The following KCNIP1 variants were observed in gnomAD, a reference collection of about 807,000 sequenced individuals.
KCNIP1 encodes potassium voltage-gated channel interacting protein 1, also known as A-type potassium channel modulatory protein KCNIP1.
Under a neutral mutation model 33.0 loss-of-function variants are expected in KCNIP1, and 18 were observed. The observed-to-expected ratio is 0.55, with a 90% confidence interval of 0.38 to 0.81. The LOEUF is 0.81. Ranked by LOEUF, KCNIP1 falls within the 30% of genes least tolerant of loss-of-function variation. KCNIP1 has a pLI of 0.00. For synonymous variants in KCNIP1, 93 were observed against 98.3 expected, an observed-to-expected ratio of 0.95 and a Z score of 0.32; for missense variants, 238 against 271.6, an observed-to-expected ratio of 0.88 and a Z score of 0.87.
intron 1 of KCNIP1, among the ~76,000 whole-genome samples, chr5:170,363,959 G>C (rs187716208): frequency 6.0e-5 from 9 of 151,044 alleles, no homozygotes; most frequent in Admixed American, 5.9e-4. Flanking sequence ...AGTGAGTCAT[G>C]AACAGTATTT....
At chr5:170,528,394 T>A (rs1755658817) in intron 1 of KCNIP1, among the ~76,000 whole-genome samples, 1 of 152,162 alleles carries the variant, frequency 6.6e-6, no homozygotes, top group Non-Finnish European at 1.5e-5. Context: ...CAGACTTCAG[T>A]TCTGCTGTGT....
At chr5:170,699,921 G>A (rs1205467780) in intron 1 of KCNIP1, among the ~76,000 whole-genome samples, 1 of 152,182 alleles carries the variant, frequency 6.6e-6, no homozygotes, top group Admixed American at 6.5e-5. Context: ...CCAGCAAACG[G>A]GAGGGACCAA....
chr5:170,652,514 G>A, intron 1 of KCNIP1, among the ~76,000 whole-genome samples: 1 of 135,582 alleles, frequency 7.4e-6, no homozygotes, highest in South Asian at 2.5e-4. Context: ...AGGAAGGAAG[G>A]AAGGAGAAAA....
chr5:170,456,053 C>G (rs1756363118), intron 1 of KCNIP1, among the ~76,000 whole-genome samples: 1 of 152,204 alleles, frequency 6.6e-6, no homozygotes, highest in Non-Finnish European at 1.5e-5. Flanking sequence ...AGACTTGGAA[C>G]CAACCCAAAT....
chr5:170,528,109 G>A (rs60651255), intron 1 of KCNIP1, among the ~76,000 whole-genome samples: 1,808 of 152,270 alleles, frequency 0.012, 34 homozygotes, highest in East Asian at 0.047. Context: ...GCTCAAATGA[G>A]TTTTGCCTGG....
chr5:170,587,057 A>C (rs1370532786), intron 1 of KCNIP1, among the ~76,000 whole-genome samples: 1 of 152,214 alleles, frequency 6.6e-6, no homozygotes, highest in East Asian at 1.9e-4. Context: ...ACAATGTGGG[A>C]TGGACCGGGC....
intron 1 of KCNIP1, among the ~76,000 whole-genome samples, chr5:170,655,043 A>G (rs1243882562): frequency 6.6e-6 from 1 of 152,232 alleles, no homozygotes; most frequent in African/African-American, 2.4e-5. Context: ...TGGATAAAAT[A>G]TATTACAAAA....
At chr5:170,714,491 ACC>A (rs1763574913) in intron 1 of KCNIP1, among the ~76,000 whole-genome samples, 1 of 152,212 alleles carries the variant, frequency 6.6e-6, no homozygotes, top group African/African-American at 2.4e-5. Flanking sequence ...AGATACAGAA[ACC>A]CACTGAAAGT....
intron 1 of KCNIP1, among the ~76,000 whole-genome samples, chr5:170,679,946 T>C (rs1762273743): frequency 6.6e-6 from 1 of 152,234 alleles, no homozygotes; most frequent in Non-Finnish European, 1.5e-5. Flanking sequence ...TGTGCGCATA[T>C]GTAGGTATCC....
At chr5:170,599,800 T>C (rs1177963316) in intron 1 of KCNIP1, among the ~76,000 whole-genome samples, 1 of 152,214 alleles carries the variant, frequency 6.6e-6, no homozygotes, top group Non-Finnish European at 1.5e-5. Context: ...CGTTGACTTA[T>C]GGGAGGTATT....
intron 1 of KCNIP1, among the ~76,000 whole-genome samples, chr5:170,655,876 G>A (rs1178187273): frequency 6.6e-6 from 1 of 152,192 alleles, no homozygotes; most frequent in East Asian, 1.9e-4. Flanking sequence ...ATTGACCAAT[G>A]GTTCGGCCAC....
chr5:170,681,148 A>G, intron 1 of KCNIP1: 1 of 399,170 alleles, frequency 2.5e-6, no homozygotes, highest in Non-Finnish European at 4.4e-6. Flanking sequence ...AAACTTTTGC[A>G]CTACCTCGGA....
At chr5:170,604,092 CG>C (rs1758803215) in intron 1 of KCNIP1, among the ~76,000 whole-genome samples, 1 of 152,094 alleles carries the variant, frequency 6.6e-6, no homozygotes, top group Non-Finnish European at 1.5e-5. Flanking sequence ...GGCATGGTGA[CG>C]GCCCGGTGGT....
At chr5:170,720,111 C>T (rs1763767606) in intron 2 of KCNIP1, among the ~76,000 whole-genome samples, 1 of 152,178 alleles carries the variant, frequency 6.6e-6, no homozygotes, top group African/African-American at 2.4e-5. Flanking sequence ...AGCCCCAAAT[C>T]TCTCCACCTC....
chr5:170,584,879 G>A (rs1250123010), intron 1 of KCNIP1, among the ~76,000 whole-genome samples: 1 of 152,132 alleles, frequency 6.6e-6, no homozygotes, highest in Non-Finnish European at 1.5e-5. Context: ...CCAAAGAGAA[G>A]AAATCCACAG....
At chr5:170,714,704 G>T (rs1390891893) in intron 1 of KCNIP1, among the ~76,000 whole-genome samples, 2 of 151,588 alleles carry the variant, frequency 1.3e-5, no homozygotes, top group South Asian at 2.1e-4. Context: ...GAAAAGAAAT[G>T]AAAATAAAAA....
chr5:170,397,240 C>T (rs987219820), intron 1 of KCNIP1, among the ~76,000 whole-genome samples: 5 of 152,150 alleles, frequency 3.3e-5, no homozygotes, highest in Admixed American at 2.6e-4. Flanking sequence ...GTCAATCAAG[C>T]GGCTTAGCAT....
At chr5:170,406,264 T>C (rs1413938428) in intron 1 of KCNIP1, among the ~76,000 whole-genome samples, 1 of 152,208 alleles carries the variant, frequency 6.6e-6, no homozygotes, top group Non-Finnish European at 1.5e-5. Flanking sequence ...TCCGTGGGTC[T>C]GGAAGTTAAA....
chr5:170,712,148 G>C (rs1016716644), intron 1 of KCNIP1, among the ~76,000 whole-genome samples: 9 of 152,196 alleles, frequency 5.9e-5, no homozygotes, highest in African/African-American at 1.9e-4. Flanking sequence ...AATTTTCCAG[G>C]TCTGGTATTT....
Sources: gnomAD v4.1 joint callset for allele counts (sites outside exome capture counted in the v4.1 genomes callset) on GRCh38, gnomAD v4.1.1 for gene constraint, MANE v1.5 for transcripts, NCBI Gene and HGNC (gene_info 2026-07-23, HGNC 2026-07-21) for gene names.